The following SH3KBP1 variants were observed in gnomAD, a reference collection of about 807,000 sequenced individuals.
SH3KBP1 encodes the protein SH3 domain-containing kinase-binding protein 1.
Under a neutral mutation model 50.1 loss-of-function variants are expected in SH3KBP1, and 8 were observed. The observed-to-expected ratio is 0.16, with a 90% CI of 0.09 to 0.29. SH3KBP1 has a LOEUF of 0.29. Among genes scored for constraint, SH3KBP1 ranks in the 10% least tolerant of loss-of-function variants. SH3KBP1 has a pLI of 1.00. For synonymous variants in SH3KBP1, 227 were observed against 218.6 expected, an observed-to-expected ratio of 1.04 and a Z score of -0.34; for missense variants, 377 against 535.2, an observed-to-expected ratio of 0.70 and a Z score of 2.92.
At chrX:19,628,928 C>T (rs1211313343) in intron 8 of SH3KBP1, among the ~76,000 whole-genome samples, 1 of 110,823 alleles carries the variant, frequency 9.0e-6, no homozygotes. Flanking sequence ...AAAACCCCGT[C>T]TCTACTAGAA....
At chrX:19,587,137 C>A (rs1247003288) in intron 12 of SH3KBP1, among the ~76,000 whole-genome samples, 12 of 108,121 alleles carry the variant, frequency 1.1e-4, no homozygotes, top group Admixed American at 2.0e-4. Flanking sequence ...CAGGTGAATC[C>A]CTTGAACCCA....
intron 6 of SH3KBP1, among the ~76,000 whole-genome samples, chrX:19,671,624 G>A (rs952706840): frequency 4.5e-5 from 5 of 111,894 alleles, no homozygotes; most frequent in Non-Finnish European, 9.4e-5. Context: ...CTCTGGAGCC[G>A]GAGTGTTTGA....
chrX:19,695,839 C>G, intron 4 of SH3KBP1, 98 bp from the exon 5 acceptor site: 4 of 805,342 alleles, frequency 5.0e-6, no homozygotes, highest in Non-Finnish European at 7.2e-6. Flanking sequence ...GCATGCAGAG[C>G]CCACACAGGG....
chrX:19,883,844 G>T (rs900337000), intron 1 of SH3KBP1, among the ~76,000 whole-genome samples: 20 of 111,459 alleles, frequency 1.8e-4, no homozygotes, highest in African/African-American at 6.5e-4. Flanking sequence ...TGCCTCCAAT[G>T]TTCCCTGCTC....
intron 2 of SH3KBP1, among the ~76,000 whole-genome samples, chrX:19,802,423 CAGGAGAGGTCACAGATTG>C (rs1329732092): frequency 9.0e-6 from 1 of 110,950 alleles, no homozygotes; most frequent in African/African-American, 3.3e-5. Context: ...GGTGCTCATT[CAGGAGAGGTCACAGATTG>C]AAGGAACTTT....
At chrX:19,638,532 T>C (rs2061773652) in intron 7 of SH3KBP1, among the ~76,000 whole-genome samples, 1 of 111,683 alleles carries the variant, frequency 9.0e-6, no homozygotes, top group Non-Finnish European at 1.9e-5. Context: ...GGGGTTCTGA[T>C]TCTGTAGGGC....
At chrX:19,662,976 C>A (rs1237793508) in intron 6 of SH3KBP1, among the ~76,000 whole-genome samples, 2 of 110,942 alleles carry the variant, frequency 1.8e-5, no homozygotes, top group African/African-American at 6.6e-5. Context: ...ATTCATTCTT[C>A]CATTCATTTT....
At position 19,755,198 on chromosome X, in the gene SH3KBP1, C is replaced by T. The variant is rs375300401; in HGVS notation, c.163-8757G>A. Reference sequence around the variant, plus strand: ...GCCTGGCCAACATGGTGAAACCCTGCCTCTACTAAAGATACAAAAAATTAT... The same window carrying T: ...GCCTGGCCAACATGGTGAAACCCTGTCTCTACTAAAGATACAAAAAATTAT... On this transcript the variant is annotated intron_variant, in intron 2 of 17. Coordinates refer to ENST00000397821, the MANE Select transcript of SH3KBP1 (RefSeq NM_031892.3). Among the ~76,000 whole-genome samples the T allele has an allele frequency of 6.0e-3, 661 of 110,468 alleles. 8 individuals carry two copies. The highest frequency in any genetic ancestry group is 0.019 in the African/African-American group (590 of 30,315).
intron 12 of SH3KBP1, among the ~76,000 whole-genome samples, chrX:19,572,550 TAAAA>T (rs893501595): frequency 1.8e-5 from 2 of 108,846 alleles, no homozygotes; most frequent in Non-Finnish European, 3.8e-5. Context: ...TGTCTATATA[TAAAA>T]GAGTAAAATG....
At chrX:19,681,427 A>G (rs2063049072) in intron 6 of SH3KBP1, among the ~76,000 whole-genome samples, 2 of 112,961 alleles carry the variant, frequency 1.8e-5, no homozygotes, top group Non-Finnish European at 3.7e-5. Flanking sequence ...AATATTATTC[A>G]TTCAACAATA....
chrX:19,853,245 C>A (rs1292192514), intron 1 of SH3KBP1, among the ~76,000 whole-genome samples: 1 of 112,409 alleles, frequency 8.9e-6, no homozygotes, highest in Admixed American at 9.4e-5. Flanking sequence ...AGGACCACTG[C>A]AGGGCCAGAG....
chrX:19,844,108 C>T (rs1027903052), intron 1 of SH3KBP1, among the ~76,000 whole-genome samples: 16 of 111,497 alleles, frequency 1.4e-4, no homozygotes, highest in Admixed American at 4.8e-4. Context: ...AAGGGTGAGA[C>T]GTGATATCTG....
chrX:19,827,454 A>G (rs1470397575), intron 2 of SH3KBP1, among the ~76,000 whole-genome samples: 5 of 111,804 alleles, frequency 4.5e-5, no homozygotes, highest in African/African-American at 1.6e-4. Flanking sequence ...ATGTCCCCTA[A>G]CAGACAAATG....
intron 2 of SH3KBP1, among the ~76,000 whole-genome samples, chrX:19,791,451 A>C (rs1481266056): frequency 2.7e-5 from 3 of 109,554 alleles, no homozygotes; most frequent in Non-Finnish European, 5.7e-5. Context: ...CTTGGCTCAC[A>C]CATTGCATTC....
chrX:19,589,846 G>A (rs1054021565), intron 11 of SH3KBP1, among the ~76,000 whole-genome samples: 4 of 109,204 alleles, frequency 3.7e-5, no homozygotes, highest in Admixed American at 2.0e-4. Flanking sequence ...AGGGCTGGGC[G>A]CGGTGGCTCA....
intron 2 of SH3KBP1, among the ~76,000 whole-genome samples, chrX:19,779,422 G>T (rs1345081000): frequency 9.2e-6 from 1 of 109,056 alleles, no homozygotes; most frequent in African/African-American, 3.3e-5. Context: ...CAGGAAAACA[G>T]CACTTTATTT....
At chrX:19,707,275 C>T (rs1784579401) in intron 3 of SH3KBP1, among the ~76,000 whole-genome samples, 2 of 111,653 alleles carry the variant, frequency 1.8e-5, no homozygotes, top group South Asian at 7.4e-4. Context: ...CACAGTGTTG[C>T]CTTAAACGGT....
chrX:19,675,943 A>G (rs1447593905), intron 6 of SH3KBP1, among the ~76,000 whole-genome samples: 1 of 111,870 alleles, frequency 8.9e-6, no homozygotes, highest in African/African-American at 3.3e-5. Flanking sequence ...AGATCAGGAA[A>G]CAAAACTGAG....
At chrX:19,780,868 G>C (rs985941194) in intron 2 of SH3KBP1, among the ~76,000 whole-genome samples, 5 of 111,878 alleles carry the variant, frequency 4.5e-5, no homozygotes, top group Non-Finnish European at 3.8e-5. Context: ...CCACTGATCA[G>C]TATTTACATA....
Sources: gnomAD v4.1 joint callset for allele counts (sites outside exome capture counted in the v4.1 genomes callset) on GRCh38, gnomAD v4.1.1 for gene constraint, MANE v1.5 for transcripts, NCBI Gene and HGNC (gene_info 2026-07-23, HGNC 2026-07-21) for gene names.